The following MID1 variants were observed in gnomAD, a reference collection of about 807,000 sequenced individuals.
MID1 encodes the protein midline 1, also known as E3 ubiquitin-protein ligase Midline-1.
Under a neutral mutation model 40.4 loss-of-function variants are expected in MID1, and 7 were observed. That is an observed-to-expected ratio of 0.17 (90% CI 0.10 to 0.33). The LOEUF (loss-of-function observed/expected upper bound fraction) is 0.33, where lower values mean the gene tolerates loss of function less well. Among genes scored for constraint, MID1 ranks in the 10% least tolerant of loss-of-function variants. The probability of loss-of-function intolerance (pLI) is 1.00; values close to 1 mark genes in which losing one functional copy is unlikely to be tolerated. For synonymous variants in MID1, 229 were observed against 221.2 expected (o/e 1.04, Z -0.31); for missense variants, 367 against 558.5 (o/e 0.66, Z 3.46).
intron 2 of MID1, among the ~76,000 whole-genome samples, chrX:10,544,524 A>G (rs1336907143): frequency 8.9e-6 from 1 of 112,413 alleles, no homozygotes; most frequent in South Asian, 3.7e-4. Flanking sequence ...TTCTACAATG[A>G]ATTGAAATCC....
intron 1 of MID1, among the ~76,000 whole-genome samples, chrX:10,832,460 T>C (rs1298037725): frequency 8.9e-6 from 1 of 112,296 alleles, no homozygotes; most frequent in Non-Finnish European, 1.9e-5. Context: ...AAATCTGAAA[T>C]TGAGTCTTTG....
chrX:10,504,326 C>T (rs1181581089), intron 3 of MID1, among the ~76,000 whole-genome samples: 2 of 111,587 alleles, frequency 1.8e-5, no homozygotes, highest in Middle Eastern at 9.2e-3. Context: ...GTGAAAGGTC[C>T]ATCCCCAAAT....
intron 1 of MID1, among the ~76,000 whole-genome samples, chrX:10,808,687 T>G (rs1186663120): frequency 8.9e-6 from 1 of 112,005 alleles, no homozygotes; most frequent in African/African-American, 3.2e-5. Context: ...AAGGATTCCC[T>G]ATTTAATAAA....
At chrX:10,581,357 G>T (rs1051510246) in intron 1 of MID1, among the ~76,000 whole-genome samples, 1 of 112,737 alleles carries the variant, frequency 8.9e-6, no homozygotes, top group Non-Finnish European at 1.9e-5. Context: ...CCATTTCCTT[G>T]CAAAGGCAGA....
chrX:10,808,284 T>C (rs920949925), intron 1 of MID1, among the ~76,000 whole-genome samples: 2 of 111,901 alleles, frequency 1.8e-5, no homozygotes, highest in East Asian at 2.8e-4. Flanking sequence ...CTGATAACCA[T>C]TGAATCTCCT....
At chrX:10,556,211 T>C (rs1047368448) in intron 2 of MID1, among the ~76,000 whole-genome samples, 2 of 111,646 alleles carry the variant, frequency 1.8e-5, no homozygotes, top group African/African-American at 6.5e-5. Context: ...GTGACAGCCA[T>C]AGTATAAACC....
chrX:10,610,760 C>T (rs1241586287), intron 1 of MID1, among the ~76,000 whole-genome samples: 1 of 111,502 alleles, frequency 9.0e-6, no homozygotes, highest in Non-Finnish European at 1.9e-5. Flanking sequence ...AGTTTTTCTT[C>T]AGGATCCTAG....
intron 1 of MID1, among the ~76,000 whole-genome samples, chrX:10,792,664 T>C (rs2043940881): frequency 1.8e-5 from 2 of 112,149 alleles, no homozygotes; most frequent in South Asian, 7.4e-4. Context: ...TGATTCCATC[T>C]ATATGAAATG....
chrX:10,718,892 C>T (rs1431850557), intron 1 of MID1, among the ~76,000 whole-genome samples: 1 of 111,881 alleles, frequency 8.9e-6, no homozygotes, highest in Admixed American at 9.5e-5. Flanking sequence ...GCAGGTTCAA[C>T]ATACGCAAAT....
chrX:10,575,881 T>C (rs183119348), intron 1 of MID1, among the ~76,000 whole-genome samples: 107 of 110,479 alleles, frequency 9.7e-4, no homozygotes, highest in Non-Finnish European at 1.7e-3. Context: ...GTAAAGAATG[T>C]TACTCTGAAT....
chrX:10,486,076 C>G (rs1161836576), intron 4 of MID1, among the ~76,000 whole-genome samples: 1 of 111,699 alleles, frequency 9.0e-6, no homozygotes, highest in Non-Finnish European at 1.9e-5. Context: ...CAGGGAGCCT[C>G]ATGGCTTAAG....
chrX:10,581,271 AAAAAC>A (rs1473288673), intron 1 of MID1, among the ~76,000 whole-genome samples: 13 of 110,108 alleles, frequency 1.2e-4, no homozygotes, highest in African/African-American at 4.5e-4. Context: ...AACAAAAACA[AAAAAC>A]AAACAAACAA....
rs183977515 is a variant in MID1 at position 10,589,175 on chromosome X, C to G, written c.-56-21572G>C. ...TCCAGAAATCTAAGCCAGGTCAAAA[C>G]CAAAACTAAGCAATCCAGGCAATCC... is the stretch of plus-strand genomic sequence containing the variant. On this transcript the variant is annotated intron_variant, in intron 1 of 9. Transcript: ENST00000317552. Among the ~76,000 whole-genome samples the G allele has an allele frequency of 1.3e-4, 15 of 111,854 alleles. No homozygotes were observed. The East Asian group carries it at 3.1e-3, about 23-fold the overall frequency.
chrX:10,687,432 C>T (rs548895899), intron 1 of MID1, among the ~76,000 whole-genome samples: 5 of 111,806 alleles, frequency 4.5e-5, no homozygotes, highest in African/African-American at 1.6e-4. Context: ...GCTTCTTGCA[C>T]GAGAAAAATA....
chrX:10,811,350 A>G (rs2044099883), intron 1 of MID1, among the ~76,000 whole-genome samples: 1 of 112,277 alleles, frequency 8.9e-6, no homozygotes, highest in African/African-American at 3.2e-5. Flanking sequence ...AGTAGTTGCT[A>G]TGAGCCAAAG....
intron 1 of MID1, among the ~76,000 whole-genome samples, chrX:10,672,709 A>AT (rs1038885921): frequency 1.8e-5 from 2 of 109,626 alleles, no homozygotes; most frequent in African/African-American, 3.3e-5. Flanking sequence ...GTGTTGTTTA[A>AT]TTTTTTTTTG....
At chrX:10,642,169 C>A (rs189304241) in intron 1 of MID1, among the ~76,000 whole-genome samples, 2,046 of 111,304 alleles carry the variant, frequency 0.018, 50 homozygotes, top group African/African-American at 0.064. Flanking sequence ...CTGGCCAGGG[C>A]AATCAGGCAG....
At chrX:10,802,155 C>T (rs2044012476) in intron 1 of MID1, among the ~76,000 whole-genome samples, 1 of 111,273 alleles carries the variant, frequency 9.0e-6, no homozygotes, top group South Asian at 3.8e-4. Flanking sequence ...GCACTCCAGC[C>T]TGGCGAAAGA....
At chrX:10,554,135 G>C (rs759583479) in intron 2 of MID1, among the ~76,000 whole-genome samples, 1 of 111,749 alleles carries the variant, frequency 8.9e-6, no homozygotes, top group African/African-American at 3.3e-5. Context: ...TAAATGCTAG[G>C]CTAGACACTT....
Sources: gnomAD v4.1 joint callset for allele counts (sites outside exome capture counted in the v4.1 genomes callset) on GRCh38, gnomAD v4.1.1 for gene constraint, MANE v1.5 for transcripts, NCBI Gene and HGNC (gene_info 2026-07-23, HGNC 2026-07-21) for gene names.